The following SEMA6D variants were observed in gnomAD, a reference collection of about 807,000 sequenced individuals.
SEMA6D encodes the protein semaphorin 6D, also known as semaphorin-6D.
A neutral mutation model predicts 106.6 loss-of-function variants in SEMA6D; 35 were observed. The observed-to-expected ratio is 0.33, with a 90% CI of 0.25 to 0.44. SEMA6D has a LOEUF of 0.44. Among genes scored for constraint, SEMA6D ranks in the 20% least tolerant of loss-of-function variants. The pLI is 1.00. For synonymous variants in SEMA6D, 499 were observed against 487.7 expected (o/e 1.02, Z -0.31); for missense variants, 1,185 against 1,345.9 (o/e 0.88, Z 1.87).
intron 1 of SEMA6D, among the ~76,000 whole-genome samples, chr15:47,375,946 T>C (rs281249): frequency 0.65 from 98,317 of 152,102 alleles, 32,611 homozygotes; most frequent in Non-Finnish European, 0.72. Flanking sequence ...AGAATGGGTT[T>C]GAATCCACTC....
rs139777607 is a variant in SEMA6D, at chr15:47,340,757, G to A, written c.-238-71636G>A. ...CTGTCCTAAGCAAAAGAAAAGTAAG[G>A]AGTAGGAAAGTACTGATTCGAATAG... is the stretch of plus-strand genomic sequence containing the variant. On this transcript the variant is annotated intron_variant, in intron 1 of 19. Transcript: ENST00000558014. Among the ~76,000 whole-genome samples, 557 of 152,178 alleles carry A rather than the reference G, an allele frequency of 3.7e-3. 2 individuals are homozygous for A. Among genetic ancestry groups the A allele is most frequent in the African/African-American group, 0.013 (532 of 41,544 alleles).
intron 2 of SEMA6D, among the ~76,000 whole-genome samples, chr15:47,426,277 A>G (rs1462927203): frequency 6.6e-6 from 1 of 152,074 alleles, no homozygotes; most frequent in Non-Finnish European, 1.5e-5. Context: ...GGCTGGTACT[A>G]CAGGCATGTA....
At chr15:47,760,793 G>C (rs562915959) in intron 3 of SEMA6D, among the ~76,000 whole-genome samples, 185 bp from the exon 4 acceptor site, 1 of 152,240 alleles carries the variant, frequency 6.6e-6, no homozygotes, top group South Asian at 2.1e-4. Context: ...TTTGCTCTCT[G>C]ACTACAGTGA....
intron 1 of SEMA6D, among the ~76,000 whole-genome samples, chr15:47,335,131 C>T (rs1451554945): frequency 6.6e-6 from 1 of 151,840 alleles, no homozygotes; most frequent in African/African-American, 2.4e-5. Flanking sequence ...GGGGGAAGGG[C>T]AAAACCAAGA....
At chr15:47,654,990 G>C (rs1440399792) in intron 4 of SEMA6D, among the ~76,000 whole-genome samples, 1 of 152,130 alleles carries the variant, frequency 6.6e-6, no homozygotes, top group Non-Finnish European at 1.5e-5. Context: ...GGTAGGCTGA[G>C]GAGGAGGAGG....
At chr15:47,363,232 A>G (rs1276646501) in intron 1 of SEMA6D, among the ~76,000 whole-genome samples, 1 of 152,190 alleles carries the variant, frequency 6.6e-6, no homozygotes, top group Non-Finnish European at 1.5e-5. Context: ...TCAGTGGTGG[A>G]TTCTGAAATT....
intron 2 of SEMA6D, among the ~76,000 whole-genome samples, chr15:47,444,125 A>G (rs1246894856): frequency 3.3e-5 from 5 of 152,088 alleles, no homozygotes; most frequent in African/African-American, 7.2e-5. Flanking sequence ...CCCTGTGTCT[A>G]TTTACCATCT....
intron 3 of SEMA6D, among the ~76,000 whole-genome samples, chr15:47,521,785 A>G (rs2044588080): frequency 6.6e-6 from 1 of 152,162 alleles, no homozygotes; most frequent in South Asian, 2.1e-4. Flanking sequence ...GGAGATTGAG[A>G]CCATCCTGCC....
chr15:47,582,854 C>T (rs756946736), intron 3 of SEMA6D, among the ~76,000 whole-genome samples: 136 of 152,328 alleles, frequency 8.9e-4, no homozygotes, highest in Middle Eastern at 6.8e-3. Flanking sequence ...CCTCATTCCA[C>T]ATCTGCATAA....
intron 1 of SEMA6D, among the ~76,000 whole-genome samples, chr15:47,291,630 G>A (rs922178780): frequency 6.6e-6 from 1 of 152,160 alleles, no homozygotes; most frequent in South Asian, 2.1e-4. Context: ...TTCACTCCCA[G>A]ATATTTCTCT....
chr15:47,489,466 CA>C (rs934083113), intron 3 of SEMA6D, among the ~76,000 whole-genome samples: 2 of 152,146 alleles, frequency 1.3e-5, no homozygotes, highest in Admixed American at 1.3e-4. Context: ...CACTATGTGT[CA>C]AAACTATTCA....
At chr15:47,684,140 A>G (rs997208603) in intron 4 of SEMA6D, among the ~76,000 whole-genome samples, 2 of 152,192 alleles carry the variant, frequency 1.3e-5, no homozygotes, top group Non-Finnish European at 2.9e-5. Context: ...TCCTAAGGCT[A>G]CATCAAACAC....
chr15:47,456,822 G>C (rs2042359019), intron 2 of SEMA6D, among the ~76,000 whole-genome samples: 1 of 151,878 alleles, frequency 6.6e-6, no homozygotes, highest in South Asian at 2.1e-4. Flanking sequence ...ATGGATTTGA[G>C]AATTCAGGGA....
At chr15:47,552,494 GTA>G (rs1276618248) in intron 3 of SEMA6D, among the ~76,000 whole-genome samples, 101 of 131,188 alleles carry the variant, frequency 7.7e-4, no homozygotes, top group African/African-American at 2.6e-3. Flanking sequence ...GTCTGTGTGT[GTA>G]TATATATGTG....
At chr15:47,676,177 C>T (rs2078241828) in intron 4 of SEMA6D, among the ~76,000 whole-genome samples, 1 of 152,216 alleles carries the variant, frequency 6.6e-6, no homozygotes, top group African/African-American at 2.4e-5. Context: ...TTTGGCTTCT[C>T]AGCTCTTCCA....
intron 1 of SEMA6D, among the ~76,000 whole-genome samples, chr15:47,302,387 A>G (rs1228545789): frequency 6.6e-6 from 1 of 152,214 alleles, no homozygotes; most frequent in Non-Finnish European, 1.5e-5. Flanking sequence ...ATCCTGAAAA[A>G]TGAAAAAAGA....
rs566745204 is a variant in SEMA6D at position 47,658,070 on chromosome 15, T to A, written c.-55+57174T>A. 7.2e-5 allele frequency among the ~76,000 whole-genome samples: 11 copies of A among 152,268 alleles called. No homozygotes were observed. The East Asian group carries it at 2.1e-3, about 29-fold the overall frequency. ...TCATTTCTTTACCCTTACTTTAATG[T>A]GATATTTGTAATGTCTTATTATAAG... On this transcript the variant is annotated intron_variant, in intron 4 of 19. Coordinates refer to the SEMA6D transcript ENST00000558014.
At chr15:47,287,864 C>G (rs1305743453) in intron 1 of SEMA6D, among the ~76,000 whole-genome samples, 1 of 152,134 alleles carries the variant, frequency 6.6e-6, no homozygotes, top group Non-Finnish European at 1.5e-5. Flanking sequence ...GCTCATGGCT[C>G]TGCATGCTTT....
intron 1 of SEMA6D, among the ~76,000 whole-genome samples, chr15:47,390,870 A>G (rs901122061): frequency 1.7e-4 from 26 of 152,038 alleles, no homozygotes; most frequent in Non-Finnish European, 5.9e-5. Context: ...ATCGTTTGCA[A>G]TTTTGGCTCC....
Sources: allele counts gnomAD v4.1 joint callset (sites outside exome capture counted in the v4.1 genomes callset), GRCh38; gene constraint gnomAD v4.1.1; transcripts MANE v1.5; gene names NCBI Gene and HGNC (gene_info 2026-07-23, HGNC 2026-07-21).